Variants in KCNH7 observed in about 807,000 individuals in gnomAD.
KCNH7 encodes the protein voltage-gated inwardly rectifying potassium channel KCNH7.
In KCNH7, 49 loss-of-function variants were observed where a neutral mutation model predicts 120.8. That is an observed-to-expected ratio of 0.41 (90% CI 0.32 to 0.51). The LOEUF (loss-of-function observed/expected upper bound fraction) is 0.51. Among genes scored for constraint, KCNH7 ranks in the 20% least tolerant of loss-of-function variants. The pLI is 0.38. For synonymous variants in KCNH7, 547 were observed against 516.1 expected (o/e 1.06, Z -0.81); for missense variants, 1,097 against 1,446.6 (o/e 0.76, Z 3.92).
chr2:162,611,889 A>G (rs1250246873), intron 2 of KCNH7, among the ~76,000 whole-genome samples: 1 of 152,172 alleles, frequency 6.6e-6, no homozygotes, highest in Non-Finnish European at 1.5e-5. Flanking sequence ...GGATTCTTCA[A>G]AAGAGGCAGA....
intron 15 of KCNH7, among the ~76,000 whole-genome samples, chr2:162,373,141 G>C (rs1393364848): frequency 1.3e-5 from 2 of 152,078 alleles, no homozygotes; most frequent in African/African-American, 2.4e-5. Context: ...TAAGAGCCAG[G>C]AAGACTATTC....
intron 5 of KCNH7, among the ~76,000 whole-genome samples, chr2:162,507,919 T>C (rs759952450): frequency 2.6e-5 from 4 of 151,636 alleles, no homozygotes; most frequent in Non-Finnish European, 5.9e-5. Flanking sequence ...CTGGTACCTG[T>C]ATGGAATACT....
At chr2:162,737,212 T>C (rs1307571403) in intron 2 of KCNH7, among the ~76,000 whole-genome samples, 1 of 152,184 alleles carries the variant, frequency 6.6e-6, no homozygotes, top group African/African-American at 2.4e-5. Flanking sequence ...GTTGGCTTTC[T>C]CTGCCTTGAG....
At chr2:162,390,496 AT>A (rs1365568506) in intron 12 of KCNH7, among the ~76,000 whole-genome samples, 1 of 151,716 alleles carries the variant, frequency 6.6e-6, no homozygotes, top group East Asian at 2.0e-4. Context: ...ATTTTTCAGC[AT>A]TTTTCTCATT....
intron 2 of KCNH7, among the ~76,000 whole-genome samples, chr2:162,692,045 TA>T (rs1686127978): frequency 6.6e-6 from 1 of 152,150 alleles, no homozygotes; most frequent in Non-Finnish European, 1.5e-5. Context: ...GCAAATATGA[TA>T]ACCTGCATCT....
intron 2 of KCNH7, among the ~76,000 whole-genome samples, chr2:162,558,166 C>G (rs891639217): frequency 3.3e-5 from 5 of 151,238 alleles, no homozygotes; most frequent in African/African-American, 1.2e-4. Flanking sequence ...GTTTTGTGTC[C>G]TCAAGCCTCT....
chr2:162,555,623 T>C (rs1574096602), intron 2 of KCNH7, among the ~76,000 whole-genome samples: 1 of 152,338 alleles, frequency 6.6e-6, no homozygotes, highest in East Asian at 1.9e-4. Context: ...TTAGTATTAA[T>C]GTAGACACTC....
At chr2:162,572,209 A>G (rs1179356596) in intron 2 of KCNH7, among the ~76,000 whole-genome samples, 5 of 152,046 alleles carry the variant, frequency 3.3e-5, no homozygotes, top group Non-Finnish European at 7.4e-5. Flanking sequence ...AGAAAAAAAT[A>G]AACAACCCCA....
chr2:162,778,577 C>T (rs1197498420), intron 2 of KCNH7, among the ~76,000 whole-genome samples: 5 of 152,070 alleles, frequency 3.3e-5, no homozygotes, highest in African/African-American at 9.7e-5. Flanking sequence ...ACCTGGCACA[C>T]GGTAGATAAG....
At chr2:162,718,206 T>C (rs1270221956) in intron 2 of KCNH7, among the ~76,000 whole-genome samples, 1 of 151,910 alleles carries the variant, frequency 6.6e-6, no homozygotes, top group Non-Finnish European at 1.5e-5. Context: ...TTTTAACATA[T>C]CAGATGAGAT....
intron 2 of KCNH7, among the ~76,000 whole-genome samples, chr2:162,832,794 T>A (rs1461248811): frequency 6.6e-6 from 1 of 152,138 alleles, no homozygotes; most frequent in Non-Finnish European, 1.5e-5. Flanking sequence ...TCTTTCCACA[T>A]AATTTTCAGA....
At chr2:162,811,828 C>T (rs971867597) in intron 2 of KCNH7, among the ~76,000 whole-genome samples, 2 of 152,078 alleles carry the variant, frequency 1.3e-5, no homozygotes, top group African/African-American at 2.4e-5. Flanking sequence ...AACTCAGAAA[C>T]TAGCACTGCA....
chr2:162,695,020 T>C (rs1330246302), intron 2 of KCNH7, among the ~76,000 whole-genome samples: 1 of 152,050 alleles, frequency 6.6e-6, no homozygotes, highest in Non-Finnish European at 1.5e-5. Flanking sequence ...TGATTACAGG[T>C]GTGAGAAAGT....
At chr2:162,377,783 A>C (rs1297142221) in intron 14 of KCNH7, among the ~76,000 whole-genome samples, 2 of 152,208 alleles carry the variant, frequency 1.3e-5, no homozygotes. Flanking sequence ...GCAATTCAAA[A>C]CATCTTCAGG....
At chr2:162,712,448 GTTTTTCATGAATA>G (rs1686960611) in intron 2 of KCNH7, among the ~76,000 whole-genome samples, 1 of 152,032 alleles carries the variant, frequency 6.6e-6, no homozygotes, top group African/African-American at 2.4e-5. Context: ...TTCTCTTCTA[GTTTTTCATGAATA>G]AATAGCTGAC....
At chr2:162,706,348 T>C (rs542444787) in intron 2 of KCNH7, among the ~76,000 whole-genome samples, 2 of 152,254 alleles carry the variant, frequency 1.3e-5, no homozygotes, top group East Asian at 3.9e-4. Flanking sequence ...GATGGTGGTG[T>C]TGTTATTGAT....
At chr2:162,400,674 T>C (rs1230711361) in intron 9 of KCNH7, among the ~76,000 whole-genome samples, 3 of 151,968 alleles carry the variant, frequency 2.0e-5, no homozygotes, top group Admixed American at 1.3e-4. Flanking sequence ...TCAATACAAA[T>C]GCTGTCTCAT....
intron 2 of KCNH7, among the ~76,000 whole-genome samples, chr2:162,544,748 C>T (rs577749253): frequency 1.3e-5 from 2 of 152,244 alleles, no homozygotes; most frequent in Non-Finnish European, 2.9e-5. Flanking sequence ...ATTCCCTTCT[C>T]CTGCCAACTG....
At chr2:162,372,141 G>T (rs372950827) in intron 15 of KCNH7, 46 bp from the exon 16 acceptor site, 76 of 1,437,130 alleles carry the variant, frequency 5.3e-5, no homozygotes, top group Non-Finnish European at 6.0e-5. Flanking sequence ...CACATTGATA[G>T]ATAGTCATTG....
Sources: allele counts gnomAD v4.1 joint callset (sites outside exome capture counted in the v4.1 genomes callset), GRCh38; gene constraint gnomAD v4.1.1; transcripts MANE v1.5; gene names NCBI Gene and HGNC (gene_info 2026-07-23, HGNC 2026-07-21).